HACD2: variants seen among roughly 807,000 people sequenced by gnomAD.
The protein encoded by HACD2 is very-long-chain (3R)-3-hydroxyacyl-CoA dehydratase 2.
HACD2 carries 15 observed loss-of-function variants against 31.0 expected under a neutral mutation model. The observed-to-expected ratio is 0.48, with a 90% confidence interval of 0.32 to 0.75. HACD2 has a LOEUF of 0.75. Among genes scored for constraint, HACD2 ranks in the 30% least tolerant of loss-of-function variants. The pLI, the probability that HACD2 is intolerant of heterozygous loss-of-function variation, is 0.03. For missense variants in HACD2, 283 were observed against 313.0 expected, an observed-to-expected ratio of 0.90 and a Z score of 0.72; for synonymous variants, 115 against 122.2, an observed-to-expected ratio of 0.94 and a Z score of 0.39.
intron 3 of HACD2, among the ~76,000 whole-genome samples, chr3:123,546,286 G>A (rs1157029386): frequency 1.3e-5 from 2 of 152,276 alleles, no homozygotes; most frequent in East Asian, 3.9e-4. Flanking sequence ...CTCATGGATT[G>A]CTCTATCGGC....
intron 4 of HACD2, among the ~76,000 whole-genome samples, chr3:123,523,962 A>G (rs1436134808): frequency 6.6e-6 from 1 of 152,202 alleles, no homozygotes; most frequent in Non-Finnish European, 1.5e-5. Context: ...CCTCTTACCT[A>G]GTCATCAGCA....
chr3:123,498,991 C>G (rs892741496), intron 6 of HACD2, among the ~76,000 whole-genome samples: 24 of 152,156 alleles, frequency 1.6e-4, no homozygotes, highest in Admixed American at 6.5e-4. Flanking sequence ...AGCCCTGCTT[C>G]CTAGAGAGGT....
chr3:123,569,795 T>C (rs916458722), intron 2 of HACD2, among the ~76,000 whole-genome samples: 14 of 151,536 alleles, frequency 9.2e-5, no homozygotes, highest in African/African-American at 3.4e-4. Context: ...TGAGACCAGC[T>C]TGGCCAACAT....
intron 2 of HACD2, among the ~76,000 whole-genome samples, chr3:123,568,853 T>C (rs558649606): frequency 2.0e-5 from 3 of 152,318 alleles, no homozygotes; most frequent in African/African-American, 7.2e-5. Context: ...ACAGAAAATC[T>C]CTACTTGCAG....
chr3:123,565,118 G>A lies in HACD2; in HGVS notation c.292+2644C>T, dbSNP rs529979586. Among the ~76,000 whole-genome samples, 59 of 152,206 alleles carry A rather than the reference G, an allele frequency of 3.9e-4. No homozygotes were observed. In the South Asian group the frequency reaches 7.3e-3, roughly 19 times the overall value. On this transcript the variant is annotated intron_variant, in intron 3 of 6. Coordinates refer to ENST00000383657, the MANE Select transcript of HACD2 (RefSeq NM_198402.5). ...GCCCAACAGCACCTGGTATGCACACGTGCTAGGCGTTCGATAATTTTCTTG... is the reference window on the plus strand; with the variant it reads ...GCCCAACAGCACCTGGTATGCACACATGCTAGGCGTTCGATAATTTTCTTG...
intron 6 of HACD2, among the ~76,000 whole-genome samples, chr3:123,495,430 C>A (rs1012974713): frequency 6.6e-6 from 1 of 152,116 alleles, no homozygotes; most frequent in Non-Finnish European, 1.5e-5. Flanking sequence ...AGAGTTGGGA[C>A]CAGGCTCTTG....
intron 3 of HACD2, among the ~76,000 whole-genome samples, chr3:123,543,524 G>T (rs1294073393): frequency 6.6e-6 from 1 of 152,152 alleles, no homozygotes; most frequent in East Asian, 1.9e-4. Flanking sequence ...GTGGGAAAGA[G>T]ACTCACTTTC....
chr3:123,544,351 G>A (rs2056529902), intron 3 of HACD2, among the ~76,000 whole-genome samples: 1 of 152,144 alleles, frequency 6.6e-6, no homozygotes, highest in South Asian at 2.1e-4. Flanking sequence ...GCTTGAAAAC[G>A]ATAGGCAAAT....
intron 3 of HACD2, among the ~76,000 whole-genome samples, chr3:123,561,425 A>C (rs936622288): frequency 1.3e-5 from 2 of 152,172 alleles, no homozygotes; most frequent in Non-Finnish European, 2.9e-5. Context: ...GATGAAATTA[A>C]AGTGCAAATA....
At chr3:123,527,958 G>A (rs1024169172) in intron 4 of HACD2, among the ~76,000 whole-genome samples, 6 of 152,298 alleles carry the variant, frequency 3.9e-5, no homozygotes, top group Admixed American at 3.9e-4. Flanking sequence ...CTACTGTATA[G>A]GTTTAAAATG....
chr3:123,532,063 C>T (rs528732634), intron 3 of HACD2, among the ~76,000 whole-genome samples: 135 of 152,234 alleles, frequency 8.9e-4, no homozygotes, highest in African/African-American at 3.1e-3. Flanking sequence ...AAGTTTATTA[C>T]CAATTTATAC....
At chr3:123,495,163 AG>A (rs1237023275) in intron 6 of HACD2, among the ~76,000 whole-genome samples, 193 bp from the exon 7 acceptor site, 1 of 152,188 alleles carries the variant, frequency 6.6e-6, no homozygotes, top group Non-Finnish European at 1.5e-5. Flanking sequence ...TTCCTGCTTT[AG>A]CTGAGGGAAG....
At chr3:123,548,341 G>A (rs1416432009) in intron 3 of HACD2, among the ~76,000 whole-genome samples, 1 of 152,004 alleles carries the variant, frequency 6.6e-6, no homozygotes, top group Non-Finnish European at 1.5e-5. Context: ...TCTAGCACGT[G>A]GTGAGGAGCC....
At chr3:123,583,824 A>C (rs2056992162) in intron 1 of HACD2, among the ~76,000 whole-genome samples, 1 of 152,224 alleles carries the variant, frequency 6.6e-6, no homozygotes, top group South Asian at 2.1e-4. Context: ...TAGAAGGGAA[A>C]GGTGGGAGGA....
At chr3:123,556,905 G>A (rs897008865) in intron 3 of HACD2, among the ~76,000 whole-genome samples, 2 of 152,130 alleles carry the variant, frequency 1.3e-5, no homozygotes, top group East Asian at 1.9e-4. Flanking sequence ...ACCACTACAC[G>A]CCTATTAGAA....
chr3:123,567,626 T>C, intron 3 of HACD2, 136 bp downstream of exon 3: 1 of 538,136 alleles, frequency 1.9e-6, no homozygotes, highest in Non-Finnish European at 3.1e-6. Flanking sequence ...CCACTCTAAT[T>C]TCAGCAATTT....
chr3:123,570,917 T>TAAACACACACACAC (rs1553763401), intron 2 of HACD2, among the ~76,000 whole-genome samples: 1 of 144,762 alleles, frequency 6.9e-6, no homozygotes, highest in South Asian at 2.2e-4. Context: ...TTCATACCAT[T>TAAACACACACACAC]ACACACACAC....
intron 3 of HACD2, among the ~76,000 whole-genome samples, chr3:123,542,760 TGAGCC>T (rs1251225391): frequency 1.3e-5 from 2 of 152,222 alleles, no homozygotes; most frequent in African/African-American, 2.4e-5. Flanking sequence ...GAATACAAGA[TGAGCC>T]GAAACATTCT....
At chr3:123,555,878 C>G in intron 3 of HACD2, among the ~76,000 whole-genome samples, 1 of 152,112 alleles carries the variant, frequency 6.6e-6, no homozygotes, top group East Asian at 1.9e-4. Context: ...ATCAATAGAA[C>G]AGAGGGGCCA....
Sources: allele counts gnomAD v4.1 joint callset (sites outside exome capture counted in the v4.1 genomes callset), GRCh38; gene constraint gnomAD v4.1.1; transcripts MANE v1.5; gene names NCBI Gene and HGNC (gene_info 2026-07-23, HGNC 2026-07-21).